SCHIP1: variants seen among roughly 807,000 people sequenced by gnomAD.
SCHIP1 encodes the protein schwannomin interacting protein 1, also known as schwannomin-interacting protein 1.
Under a neutral mutation model 29.7 loss-of-function variants are expected in SCHIP1, and 8 were observed. The ratio of observed to expected loss-of-function variants is 0.27; its 90% confidence interval spans 0.16 to 0.49. The LOEUF is 0.49. SCHIP1 is among the 20% of genes least tolerant of loss of function. The pLI, the probability that SCHIP1 is intolerant of heterozygous loss-of-function variation, is 0.99. For missense variants in SCHIP1, 193 were observed against 294.6 expected (o/e 0.66, Z 2.52); for synonymous variants, 76 against 94.9 (o/e 0.80, Z 1.16).
the SCHIP1 span, among the ~76,000 whole-genome samples, chr3:159,449,008 G>T: frequency 3.3e-5 from 5 of 152,290 alleles, 1 homozygote; most frequent in Non-Finnish European, 7.4e-5. Context: ...AAATAAAAAA[G>T]AAGTTAAAAC....
the SCHIP1 span, among the ~76,000 whole-genome samples, chr3:159,516,342 G>A: frequency 6.6e-6 from 1 of 151,970 alleles, no homozygotes; most frequent in Non-Finnish European, 1.5e-5. Context: ...CCCATTAGTG[G>A]GACACCGTCA....
At chr3:159,625,876 C>G in the SCHIP1 span, among the ~76,000 whole-genome samples, 1 of 151,978 alleles carries the variant, frequency 6.6e-6, no homozygotes, top group African/African-American at 2.4e-5. Context: ...CTGTGCTTCT[C>G]CCTACATGTA....
chr3:159,435,462 C>A, the SCHIP1 span, among the ~76,000 whole-genome samples: 3 of 152,116 alleles, frequency 2.0e-5, 1 homozygote, highest in South Asian at 6.2e-4. Flanking sequence ...GGAATCACTG[C>A]TATCAGAGTT....
chr3:159,763,152 G>A, the SCHIP1 span, among the ~76,000 whole-genome samples: 60 of 152,286 alleles, frequency 3.9e-4, no homozygotes, highest in African/African-American at 1.3e-3. Context: ...AACTTGGAAG[G>A]GGATGCGGCG....
chr3:159,577,494 A>G, the SCHIP1 span, among the ~76,000 whole-genome samples: 1 of 152,194 alleles, frequency 6.6e-6, no homozygotes, highest in African/African-American at 2.4e-5. Flanking sequence ...AAAATTAGAG[A>G]AAGTACACCT....
chr3:159,841,320 T>C (rs1246386620), intron 1 of SCHIP1, among the ~76,000 whole-genome samples: 1 of 152,218 alleles, frequency 6.6e-6, no homozygotes, highest in Admixed American at 6.5e-5. Context: ...ACAGATTTAT[T>C]TCATAGTATT....
chr3:159,878,605 CG>C (rs1282315354), intron 2 of SCHIP1, among the ~76,000 whole-genome samples: 1 of 150,786 alleles, frequency 6.6e-6, no homozygotes. Flanking sequence ...GGTGAAACCC[CG>C]TCTCTACTAA....
the SCHIP1 span, among the ~76,000 whole-genome samples, chr3:159,315,598 A>T: frequency 6.6e-6 from 1 of 151,872 alleles, no homozygotes. Flanking sequence ...ATGTCTATAT[A>T]CTTTATCATT....
At chr3:159,820,886 A>G in the SCHIP1 span, among the ~76,000 whole-genome samples, 1 of 152,350 alleles carries the variant, frequency 6.6e-6, no homozygotes, top group South Asian at 2.1e-4. Flanking sequence ...GTGTTATACA[A>G]TAGAACTTTC....
At chr3:159,591,047 C>A in the SCHIP1 span, among the ~76,000 whole-genome samples, 1 of 152,144 alleles carries the variant, frequency 6.6e-6, no homozygotes, top group African/African-American at 2.4e-5. Flanking sequence ...TAAAACAAAG[C>A]CTCTCCTTAT....
the SCHIP1 span, among the ~76,000 whole-genome samples, chr3:159,403,535 C>T: frequency 6.6e-6 from 1 of 152,076 alleles, no homozygotes; most frequent in East Asian, 1.9e-4. Flanking sequence ...TCTGTGCTGC[C>T]CTGTCACAGT....
chr3:159,460,285 C>T, the SCHIP1 span, among the ~76,000 whole-genome samples: 1 of 152,108 alleles, frequency 6.6e-6, no homozygotes, highest in East Asian at 1.9e-4. Context: ...CAGGACACAC[C>T]CCTGAGGGTG....
At chr3:159,277,950 C>T in the SCHIP1 span, among the ~76,000 whole-genome samples, 9 of 151,374 alleles carry the variant, frequency 5.9e-5, no homozygotes, top group East Asian at 3.9e-4. Flanking sequence ...TATTTTTCAA[C>T]GGTATAGGAA....
rs758372440 is a variant in SCHIP1 at position 159,896,764 on chromosome 3, C to T, written c.725C>T (p.Pro242Leu). The change falls in exon 7 of 7, where the codon CCT becomes CTT. Residue 242 changes from proline to leucine, a missense_variant. Physicochemically the swap from Pro to Leu is moderately conservative, Grantham distance 98. Transcript: ENST00000445224. ...CAGAAGCACATGGCAGAGAAAATGC[C>T]TGCAAAGTGAAAAGAAGCCATTCAA... 16 of 1,606,422 alleles carry T rather than the reference C, an allele frequency of 1.0e-5. No individual in the cohort carries two copies. In the African/African-American group the frequency reaches 2.0e-4, roughly 20 times the overall value.
chr3:159,785,082 G>A, the SCHIP1 span, among the ~76,000 whole-genome samples: 1 of 152,140 alleles, frequency 6.6e-6, no homozygotes, highest in East Asian at 1.9e-4. Context: ...TTTTTCCTTG[G>A]TATGGCTGCT....
chr3:159,622,445 G>A, the SCHIP1 span, among the ~76,000 whole-genome samples: 1 of 152,318 alleles, frequency 6.6e-6, no homozygotes, highest in South Asian at 2.1e-4. Context: ...CCCAGAAGCT[G>A]AACATAGCTT....
At chr3:159,754,559 G>A in the SCHIP1 span, among the ~76,000 whole-genome samples, 18 of 152,162 alleles carry the variant, frequency 1.2e-4, no homozygotes, top group Non-Finnish European at 2.5e-4. Context: ...CTGAAGGCTT[G>A]CACAAACTTG....
the SCHIP1 span, among the ~76,000 whole-genome samples, chr3:159,489,863 T>C: frequency 1.3e-5 from 2 of 152,050 alleles, no homozygotes; most frequent in African/African-American, 2.4e-5. Flanking sequence ...TGGTCTGGTG[T>C]CTTTTATATT....
chr3:159,424,449 G>A, the SCHIP1 span, among the ~76,000 whole-genome samples: 1 of 152,140 alleles, frequency 6.6e-6, no homozygotes, highest in East Asian at 1.9e-4. Context: ...AGTGACGGAA[G>A]ATGAAATGAA....
Sources: gnomAD v4.1 joint callset for allele counts (sites outside exome capture counted in the v4.1 genomes callset) on GRCh38, gnomAD v4.1.1 for gene constraint, MANE v1.5 for transcripts, NCBI Gene and HGNC (gene_info 2026-07-23, HGNC 2026-07-21) for gene names.